CPN1: variants seen among roughly 807,000 people sequenced by gnomAD.
CPN1 encodes carboxypeptidase N catalytic chain.
A neutral mutation model predicts 46.4 loss-of-function variants in CPN1; 37 were observed. The ratio of observed to expected loss-of-function variants is 0.80; its 90% CI spans 0.61 to 1.05. CPN1 has a LOEUF of 1.05. Ranked by LOEUF, CPN1 falls within the 50% of genes least tolerant of loss-of-function variation. The pLI, the probability that CPN1 is intolerant of heterozygous loss-of-function variation, is 0.00. For missense variants in CPN1, 563 were observed against 602.6 expected (o/e 0.93, Z 0.69); for synonymous variants, 224 against 235.4 (o/e 0.95, Z 0.44).
chr10:100,081,595 G>T lies in CPN1; in HGVS notation c.31C>A (p.Leu11Ile). Residue 11 changes from leucine to isoleucine, a missense_variant, in exon 1 of 9, where the codon CTC becomes ATC. Coordinates refer to ENST00000370418, the MANE Select transcript of CPN1 (RefSeq NM_001308.3). MSDLLSVFLH[L>I]LLLFKLVAPV... ...GCAACCAACTTGAAGAGAAGGAGGA[G>T]GTGGAGGAAGACTGAGAGCAGGTCT... is the stretch of plus-strand genomic sequence containing the variant. The T allele has an allele frequency of 6.2e-7, 1 of 1,614,186 alleles. No homozygotes were observed. The highest frequency in any genetic ancestry group is 1.1e-5 in the South Asian group (1 of 91,076).
chr10:100,057,129 G>A lies in CPN1; in HGVS notation c.895C>T (p.His299Tyr), dbSNP rs2041388909. ...AGCGTGATCTCAAAGCAGTTGGTATGGAGATAATTAAAGTCTTGCATTCCT... is the reference window on the plus strand; with the variant it reads ...AGCGTGATCTCAAAGCAGTTGGTATAGAGATAATTAAAGTCTTGCATTCCT... ...SKGMQDFNYL[H>Y]TNCFEITLEL... Residue 299 changes from histidine to tyrosine, a missense_variant, in exon 6 of 9, where the codon CAT becomes TAT. By Grantham distance (83) the His-to-Tyr change is moderately conservative. Coordinates refer to ENST00000370418, the MANE Select transcript of CPN1 (RefSeq NM_001308.3). 6.2e-7 allele frequency: 1 copy of A among 1,614,012 alleles called. No individual in the cohort carries two copies. Among genetic ancestry groups the A allele is most frequent in the African/African-American group, 1.3e-5 (1 of 74,908 alleles).
At chr10:100,054,326 C>T in intron 7 of CPN1, 21 bp downstream of exon 7, 1 of 1,586,292 alleles carries the variant, frequency 6.3e-7, no homozygotes, top group African/African-American at 1.3e-5. Context: ...TCCTTCTTAC[C>T]CCTAAGCAGT....
At chr10:100,054,520 C>T (rs899832251) in intron 6 of CPN1, 74 bp from the exon 7 acceptor site, 4 of 1,230,360 alleles carry the variant, frequency 3.3e-6, no homozygotes, top group Admixed American at 3.4e-5. Context: ...GTCTCAAAGC[C>T]CTTTCTCTTA....
chr10:100,078,303 A>G (rs2041526640), intron 1 of CPN1, among the ~76,000 whole-genome samples: 1 of 152,162 alleles, frequency 6.6e-6, no homozygotes, highest in Admixed American at 6.5e-5. Context: ...AGTCCTCCCA[A>G]AGTACTGGGA....
intron 7 of CPN1, among the ~76,000 whole-genome samples, chr10:100,051,354 C>A (rs1333749217): frequency 6.6e-6 from 1 of 151,964 alleles, no homozygotes; most frequent in African/African-American, 2.4e-5. Flanking sequence ...TTGTCATTTT[C>A]TTAACTGGGG....
In CPN1 at chr10:100,081,688, T is replaced by C. The variant is rs1010521425; in HGVS notation, c.-63A>G. 7.3e-5 allele frequency: 103 copies of C among 1,410,562 alleles called. 2 individuals carry two copies. In the South Asian group the frequency reaches 1.2e-3, roughly 17 times the overall value. 87.4% of individuals were successfully genotyped at this position (1,410,562 alleles called of 1,614,324 possible). Reference sequence around the variant, plus strand: ...CCCCACCTCCTTAAACAACCTAGCCTCTTCACCCGCCAAAATCCAAGGTCC... The same window carrying C: ...CCCCACCTCCTTAAACAACCTAGCCCCTTCACCCGCCAAAATCCAAGGTCC... On this transcript the variant is annotated 5_prime_UTR_variant, in exon 1 of 9. Coordinates refer to ENST00000370418, the MANE Select transcript of CPN1 (RefSeq NM_001308.3).
intron 3 of CPN1, 110 bp from the exon 4 acceptor site, chr10:100,065,480 GA>G: frequency 8.8e-7 from 1 of 1,141,458 alleles, no homozygotes; most frequent in East Asian, 2.5e-5. Flanking sequence ...ATGTCTGAAT[GA>G]AACATTGAGC....
intron 7 of CPN1, among the ~76,000 whole-genome samples, chr10:100,050,706 C>A (rs930945255): frequency 2.0e-5 from 3 of 152,148 alleles, no homozygotes; most frequent in Non-Finnish European, 4.4e-5. Flanking sequence ...CTCACTGCAA[C>A]CTTGAACTCC....
chr10:100,049,308 G>A (rs2041336621), intron 7 of CPN1, among the ~76,000 whole-genome samples: 2 of 149,208 alleles, frequency 1.3e-5, no homozygotes, highest in African/African-American at 5.0e-5. Context: ...TGTTGCCCAG[G>A]CTGGAATGCA....
chr10:100,053,466 A>G (rs1017295101), intron 7 of CPN1, among the ~76,000 whole-genome samples: 4 of 152,102 alleles, frequency 2.6e-5, no homozygotes, highest in African/African-American at 4.8e-5. Flanking sequence ...TCTACAAAAA[A>G]CACAAAAAAT....
At chr10:100,053,309 G>T (rs1013741527) in intron 7 of CPN1, among the ~76,000 whole-genome samples, 1 of 152,160 alleles carries the variant, frequency 6.6e-6, no homozygotes, top group Non-Finnish European at 1.5e-5. Context: ...ATAAATGTTA[G>T]TGTAGTAAAA....
At position 100,076,038 on chromosome 10, in the gene CPN1, T is replaced by G; in HGVS notation, c.293A>C (p.Gln98Pro). ...NEALGRELML[Q>P]LSEFLCEEFR... ...CTCCTCGCACAGAAACTCCGACAGC[T>G]GCAGCATCAGCTCGCGGCCCAACGC... Residue 98 changes from glutamine (Q) to proline (P), a missense_variant, in exon 2 of 9, where the codon CAG becomes CCG. Transcript: ENST00000370418. The G allele has an allele frequency of 1.2e-6, 2 of 1,614,224 alleles. No individual in the cohort carries two copies. The highest frequency in any genetic ancestry group is 1.7e-6 in the Non-Finnish European group (2 of 1,180,052).
rs774083829 is a variant in CPN1 at position 100,069,872 on chromosome 10, A to G, written c.421-3T>C. On this transcript the variant is annotated splice_polypyrimidine_tract_variant and splice_region_variant and intron_variant, in intron 2 of 8. Transcript: ENST00000370418. ...AGATACCCAGGCTTGTTTGGGCCCT[A>G]AAGGAAAATGAAAAGATGAAAAATG... The G allele has an allele frequency of 6.2e-6, 10 of 1,613,064 alleles. No individual in the cohort carries two copies. The South Asian group carries it at 7.7e-5, about 12-fold the overall frequency.
In CPN1 at chr10:100,065,356, G is replaced by A. The variant is rs772739375; in HGVS notation, c.591C>T (p.Thr197=). Residue 197 remains threonine, a synonymous_variant, in exon 4 of 9, where the codon ACC becomes ACT. Transcript: ENST00000370418. ...AGTGCATCCACCGGATCACCGCCCG[G>A]GTCTCGGGTTCCACCTGGGAGGAGG... ...DNWKSQVEPE[T]RAVIRWMHSF... 6.2e-7 allele frequency: 1 copy of A among 1,614,200 alleles called. No individual in the cohort carries two copies. Among genetic ancestry groups the A allele is most frequent in the Admixed American group, 1.7e-5 (1 of 60,022 alleles).
intron 8 of CPN1, among the ~76,000 whole-genome samples, chr10:100,044,528 C>G (rs1187308765): frequency 6.6e-6 from 1 of 151,992 alleles, no homozygotes; most frequent in African/African-American, 2.4e-5. Context: ...GTGCATGACA[C>G]CATGCCCGGC....
intron 2 of CPN1, among the ~76,000 whole-genome samples, chr10:100,070,702 G>A (rs569791976): frequency 1.8e-4 from 28 of 152,136 alleles, no homozygotes; most frequent in Non-Finnish European, 3.1e-4. Flanking sequence ...TGCAGATCAC[G>A]TGTAAGAGGT....
intron 7 of CPN1, 106 bp from the exon 8 acceptor site, chr10:100,048,982 G>T: frequency 1.2e-6 from 1 of 829,668 alleles, no homozygotes; most frequent in East Asian, 2.9e-5. Flanking sequence ...TTTTTGAGAC[G>T]GGGTCTTGCT....
Position 100,075,984 on chromosome 10 carries a change from T to TG in CPN1, c.346dup (p.Gln116ProfsTer50). 3.1e-6 allele frequency: 5 copies of TG among 1,614,188 alleles called. No individual in the cohort carries two copies. Among genetic ancestry groups the TG allele is most frequent in the African/African-American group, 1.3e-5 (1 of 75,050 alleles). On this transcript the variant is annotated frameshift_variant, in exon 2 of 9. Transcript: ENST00000370418. LOFTEE classifies it high-confidence loss of function. ...GTGAATGCGCGTGTCCTGGATGAGC[T>TG]GGACGATGCGCTGGTTCCTGTTCCG...
At chr10:100,079,281 T>A (rs535877568) in intron 1 of CPN1, among the ~76,000 whole-genome samples, 10 of 152,410 alleles carry the variant, frequency 6.6e-5, no homozygotes, top group African/African-American at 2.4e-4. Context: ...CTTTGTTTTA[T>A]TCTCTGCTGT....
Sources: allele counts gnomAD v4.1 joint callset (sites outside exome capture counted in the v4.1 genomes callset), GRCh38; gene constraint gnomAD v4.1.1; transcripts MANE v1.5; gene names NCBI Gene and HGNC (gene_info 2026-07-23, HGNC 2026-07-21).